The following SNRNP200 variants were observed in gnomAD, a reference collection of about 807,000 sequenced individuals.
SNRNP200 encodes the protein U5 small nuclear ribonucleoprotein 200 kDa helicase.
A neutral mutation model predicts 255.2 loss-of-function variants in SNRNP200; 66 were observed. That is an observed-to-expected ratio of 0.26 (90% confidence interval 0.21 to 0.32). The LOEUF is 0.32. SNRNP200 is among the 10% of genes least tolerant of loss of function. SNRNP200 has a pLI of 1.00. For synonymous variants in SNRNP200, 939 were observed against 1,027.8 expected, an observed-to-expected ratio of 0.91 and a Z score of 1.65; for missense variants, 1,585 against 2,749.8, an observed-to-expected ratio of 0.58 and a Z score of 9.47.
chr2:96,284,373 G>A lies in SNRNP200; in HGVS notation c.4377C>T (p.Ile1459=), dbSNP rs191438128. The change falls in exon 31 of 45, where the codon ATC becomes ATT. Residue 1459 remains isoleucine, a synonymous_variant. Transcript: ENST00000323853. The stretch of plus-strand genomic sequence containing the variant: ...CACGCCATACCCCATTCTCGCCCCC[G>A]ATAAGGTGGACCTCATCCACCACGA... The part of the protein sequence containing the change: ...NLFVVDEVHL[I]GGENGPVLEV... 4.1e-5 allele frequency: 66 copies of A among 1,613,892 alleles called. No homozygotes were observed. The East Asian group carries it at 4.7e-4, about 11-fold the overall frequency.
In SNRNP200 at chr2:96,291,739, G is replaced by A. The variant is rs761148767; in HGVS notation, c.2310+12C>T. 4 of 1,613,824 alleles carry A rather than the reference G, an allele frequency of 2.5e-6. No homozygotes were observed. The highest frequency in any genetic ancestry group is 3.4e-6 in the Non-Finnish European group (4 of 1,179,994). On this transcript the variant is annotated intron_variant, in intron 17 of 44. Coordinates refer to ENST00000323853, the MANE Select transcript of SNRNP200 (RefSeq NM_014014.5). The surrounding 1 kb of genome is among the most constrained non-coding windows in gnomAD (Gnocchi z 4.2). ...AGGTAGGAATGAGAGAACCCAGCTGGCCCCTCCTCACCTTGCACTGCTCAG... is the reference window on the plus strand; with the variant it reads ...AGGTAGGAATGAGAGAACCCAGCTGACCCCTCCTCACCTTGCACTGCTCAG...
At chr2:96,299,284 C>T in intron 6 of SNRNP200, 45 bp downstream of exon 6, 1 of 1,563,720 alleles carries the variant, frequency 6.4e-7, no homozygotes, top group South Asian at 1.1e-5. Flanking sequence ...GCACTAACAC[C>T]CAGAAGTAAC....
intron 21 of SNRNP200, 106 bp downstream of exon 21, chr2:96,289,693 G>A: frequency 3.0e-6 from 3 of 996,012 alleles, no homozygotes; most frequent in Non-Finnish European, 4.8e-6. Context: ...TAAGCAACAG[G>A]TGATTAGATA....
Position 96,296,626 on chromosome 2 carries a change from C to T in SNRNP200, c.1581G>A (p.Met527Ile), listed in dbSNP as rs148170370. Residue 527 changes from methionine (M) to isoleucine (I), a missense_variant, in exon 13 of 45, where the codon ATG becomes ATA. By Grantham distance (10) the Met-to-Ile change is conservative. Around this residue, in one of 9 missense-constraint regions of SNRNP200, gnomAD observed 383 missense variants for 645.3 expected, o/e 0.59. Transcript: ENST00000323853. ...AGTCATCCACATTGATGGTGCCGTC[C>T]ATGTTTATGTGTTTCCCAATCTCTC... ...MLREIGKHINMDGTINVDDFK... is the reference protein window; with the variant it reads ...MLREIGKHINIDGTINVDDFK... 19 of 1,613,948 alleles carry T rather than the reference C, an allele frequency of 1.2e-5. No homozygotes were observed. The highest frequency in any genetic ancestry group is 4.0e-5 in the African/African-American group (3 of 74,898).
Position 96,286,223 on chromosome 2 carries a change from T to C in SNRNP200, c.4003+88A>G. On this transcript the variant is annotated intron_variant, in intron 29 of 44. Transcript: ENST00000323853. The surrounding 1 kb of genome is among the most constrained non-coding windows in gnomAD (Gnocchi z 4.8). ...GGAGCTCCCAGACCTCCCAAGTGCC[T>C]GAGCACCCCCACTCCCCTGCCTGCC... 1 of 1,383,134 alleles carries C rather than the reference T, an allele frequency of 7.2e-7. No individual in the cohort carries two copies. The highest frequency in any genetic ancestry group is 1.0e-6 in the Non-Finnish European group (1 of 971,230). The allele number at this position is 1,383,134 out of a possible 1,614,324, so 85.7% of individuals were successfully genotyped here. A position where few individuals can be genotyped will look rare whatever the true frequency, so the allele number is the denominator to read the frequency against.
intron 35 of SNRNP200, among the ~76,000 whole-genome samples, chr2:96,280,699 G>A (rs1264350394): frequency 6.6e-6 from 1 of 151,496 alleles, no homozygotes; most frequent in Non-Finnish European, 1.5e-5. Flanking sequence ...ACAGGCGCGT[G>A]CCACCACACC....
intron 35 of SNRNP200, among the ~76,000 whole-genome samples, chr2:96,280,855 T>C (rs1421960580): frequency 6.9e-6 from 1 of 145,706 alleles, no homozygotes. Flanking sequence ...GCCCTTTTTT[T>C]TTTTTTTTTT....
chr2:96,297,665 TC>T lies in SNRNP200; in HGVS notation c.1174del (p.Glu392LysfsTer59). On this transcript the variant is annotated frameshift_variant, in exon 10 of 45. Transcript: ENST00000323853. LOFTEE classifies it high-confidence loss of function. The stretch of plus-strand genomic sequence containing the variant: ...TCCACCCTGGTCGAGATCCATGGTT[TC>T]CAGATCTGTGTCCATTCGAGACTGA... ...VRQSRMDTDL[E>X]TMDLDQGGEA... 6.2e-7 allele frequency: 1 copy of T among 1,614,220 alleles called. No individual in the cohort carries two copies. Among genetic ancestry groups the T allele is most frequent in the Non-Finnish European group, 8.5e-7 (1 of 1,180,034 alleles).
Position 96,297,513 on chromosome 2 carries a change from C to T in SNRNP200, c.1227G>A (p.Leu409=). 6.2e-7 allele frequency: 1 copy of T among 1,614,080 alleles called. No individual in the cohort carries two copies. The highest frequency in any genetic ancestry group is 8.5e-7 in the Non-Finnish European group (1 of 1,179,980). ...GGEALAPRQV[L]DLEDLVFTQG... is the part of the protein sequence containing the mutation. ...GGGTAAAAACCAGGTCCTCCAAGTCCAGAACCTGCCGTGGAGCCAGTGCCT... is the reference window on the plus strand; with the variant it reads ...GGGTAAAAACCAGGTCCTCCAAGTCTAGAACCTGCCGTGGAGCCAGTGCCT... Residue 409 remains leucine (L), a synonymous_variant, in exon 11 of 45, where the codon CTG becomes CTA. Coordinates refer to ENST00000323853, the MANE Select transcript of SNRNP200 (RefSeq NM_014014.5).
Position 96,276,901 on chromosome 2 carries a change from C to T in SNRNP200, c.6174+3G>A, listed in dbSNP as rs1240603669. ...CCTGACCAAGCCAGCTACCAGGACG[C>T]ACCTGCGGGAAGAGAGGCGCAATGA... On this transcript the variant is annotated splice_donor_region_variant and intron_variant, in intron 43 of 44. Coordinates refer to ENST00000323853, the MANE Select transcript of SNRNP200 (RefSeq NM_014014.5). The T allele has an allele frequency of 6.2e-7, 1 of 1,614,118 alleles. No homozygotes were observed. Among genetic ancestry groups the T allele is most frequent in the African/African-American group, 1.3e-5 (1 of 75,062 alleles).
chr2:96,286,444 G>T lies in SNRNP200; in HGVS notation c.3870C>A (p.Ile1290=). Reference sequence around the variant, plus strand: ...TTGGAGGGGGGTACTTCTCCGGCAAGATCAGGTGCCGGAAGGAGACAGGCA... The same window carrying T: ...TTGGAGGGGGGTACTTCTCCGGCAATATCAGGTGCCGGAAGGAGACAGGCA... The part of the protein sequence containing the change: ...TQLPVSFRHL[I]LPEKYPPPTE... Residue 1290 remains isoleucine, a synonymous_variant, in exon 29 of 45, where the codon ATC becomes ATA. Transcript: ENST00000323853. This position sits in a 1 kb window ranked among gnomAD's most constrained non-coding sequence, Gnocchi z 4.8. 2 of 1,614,188 alleles carry T rather than the reference G, an allele frequency of 1.2e-6. No homozygotes were observed. The highest frequency in any genetic ancestry group is 1.1e-5 in the South Asian group (1 of 91,076).
Position 96,297,531 on chromosome 2 carries a change from C to T in SNRNP200, c.1209G>A (p.Leu403=), listed in dbSNP as rs1463921442. The change falls in exon 11 of 45, where the codon CTG becomes CTA. Residue 403 remains leucine, a synonymous_variant. Transcript: ENST00000323853. The stretch of plus-strand genomic sequence containing the variant: ...CCAAGTCCAGAACCTGCCGTGGAGC[C>T]AGTGCCTGGGAATGTGAAAGACAAA... ...TMDLDQGGEA[L]APRQVLDLED... 3.7e-6 allele frequency: 6 copies of T among 1,614,034 alleles called. No homozygotes were observed. In the African/African-American group the frequency reaches 8.0e-5, roughly 22 times the overall value.
intron 15 of SNRNP200, 84 bp from the exon 16 acceptor site, chr2:96,293,179 A>G (rs1479896639): frequency 6.3e-7 from 1 of 1,590,238 alleles, no homozygotes; most frequent in African/African-American, 1.3e-5. Flanking sequence ...CCCAAGAGCA[A>G]TATTCCTCCT....
In SNRNP200 at chr2:96,277,530, C is replaced by T. The variant is rs1192462084; in HGVS notation, c.5931+9G>A. 7.4e-6 allele frequency: 12 copies of T among 1,612,324 alleles called. No homozygotes were observed. Among genetic ancestry groups the T allele is most frequent in the Non-Finnish European group, 1.0e-5 (12 of 1,180,030 alleles). On this transcript the variant is annotated intron_variant, in intron 41 of 44. Coordinates refer to ENST00000323853, the MANE Select transcript of SNRNP200 (RefSeq NM_014014.5). This position sits in a 1 kb window ranked among gnomAD's most constrained non-coding sequence, Gnocchi z 4.4. ...CACCCACCTGACCCTCTAGGCTGAC[C>T]CGGCTCACCTTGTCTGTGCAACGTT...
In SNRNP200 at chr2:96,297,670, A is replaced by G; in HGVS notation, c.1170T>C (p.Asp390=). The G allele has an allele frequency of 1.2e-6, 2 of 1,614,242 alleles. No homozygotes were observed. Among genetic ancestry groups the G allele is most frequent in the Non-Finnish European group, 1.7e-6 (2 of 1,180,036 alleles). ...ERVRQSRMDT[D]LETMDLDQGG... ...CCTGGTCGAGATCCATGGTTTCCAG[A>G]TCTGTGTCCATTCGAGACTGACGCA... The change falls in exon 10 of 45, where the codon GAT becomes GAC. Residue 390 remains aspartate (D), a synonymous_variant. Transcript: ENST00000323853.
intron 30 of SNRNP200, 87 bp downstream of exon 30, chr2:96,285,093 C>A: frequency 6.6e-7 from 1 of 1,511,174 alleles, no homozygotes; most frequent in Non-Finnish European, 9.2e-7. Flanking sequence ...AATGACCCTG[C>A]AAATTTCAGG....
intron 30 of SNRNP200, 29 bp from the exon 31 acceptor site, chr2:96,284,614 A>C (rs1248619760): frequency 2.0e-6 from 3 of 1,470,192 alleles, no homozygotes; most frequent in Admixed American, 1.7e-5. Flanking sequence ...AGGCAGAACA[A>C]CACTAGGCCA....
chr2:96,303,471 T>G (rs2063965829), intron 2 of SNRNP200, 141 bp from the exon 3 acceptor site: 1 of 1,039,706 alleles, frequency 9.6e-7, no homozygotes, highest in African/African-American at 1.6e-5. Context: ...AGCAAATGAT[T>G]CCGTTTGGCC....
rs1220944302 is a variant in SNRNP200, at chr2:96,289,363, C to T, written c.2957G>A (p.Arg986His). 4 of 1,614,042 alleles carry T rather than the reference C, an allele frequency of 2.5e-6. No individual in the cohort carries two copies. Among genetic ancestry groups the T allele is most frequent in the African/African-American group, 1.3e-5 (1 of 75,040 alleles). The change falls in exon 22 of 45, where the codon CGT becomes CAT. Residue 986 changes from arginine (R) to histidine (H), a missense_variant. Arg to His is a conservative substitution (Grantham distance 29). Around this residue, in one of 9 missense-constraint regions of SNRNP200, gnomAD observed 719 missense variants for 1,091.1 expected, o/e 0.66. Transcript: ENST00000323853. ...GGTGATGTAGTAGTGGCTGGCTATA[C>T]GGCCCAGTTCTGTCACCTGGAGAGA... ...TGNFQVTELG[R>H]IASHYYITND...
Sources: gnomAD v4.1 joint callset for allele counts (sites outside exome capture counted in the v4.1 genomes callset) on GRCh38, gnomAD v4.1.1 for gene constraint, gnomAD v4.1.1 regional missense constraint, Gnocchi (gnomAD v3.1) non-coding constraint, MANE v1.5 for transcripts, NCBI Gene and HGNC (gene_info 2026-07-23, HGNC 2026-07-21) for gene names.